DLGAP2: variants seen among roughly 807,000 people sequenced by gnomAD.
DLGAP2 encodes DLG associated protein 2.
DLGAP2 carries 26 observed loss-of-function variants against 100.3 expected under a neutral mutation model. The ratio of observed to expected loss-of-function variants is 0.26; its 90% CI spans 0.19 to 0.36. DLGAP2 has a LOEUF of 0.36. DLGAP2 is among the 10% of genes least tolerant of loss of function. DLGAP2 has a pLI of 1.00. For synonymous variants in DLGAP2, 886 were observed against 630.1 expected (o/e 1.41, Z -6.08); for missense variants, 1,858 against 1,453.2 (o/e 1.28, Z -4.53).
intron 2 of DLGAP2, among the ~76,000 whole-genome samples, chr8:1,007,985 C>G (rs1009010329): frequency 3.3e-5 from 5 of 152,174 alleles, no homozygotes; most frequent in Non-Finnish European, 7.4e-5. Context: ...GGGATGTGTT[C>G]TTTTCCTGTG....
At chr8:1,638,924 T>G (rs894533230) in intron 8 of DLGAP2, among the ~76,000 whole-genome samples, 1 of 152,332 alleles carries the variant, frequency 6.6e-6, no homozygotes, top group East Asian at 1.9e-4. Flanking sequence ...GAGGTGATGC[T>G]GTTGCAGCCC....
intron 2 of DLGAP2, among the ~76,000 whole-genome samples, chr8:931,458 C>T (rs1186783603): frequency 6.6e-6 from 1 of 152,218 alleles, no homozygotes; most frequent in African/African-American, 2.4e-5. Flanking sequence ...CTTAAATTCC[C>T]TGGCTACCCT....
chr8:1,416,764 G>C (rs1319964140), intron 3 of DLGAP2, among the ~76,000 whole-genome samples: 2 of 152,230 alleles, frequency 1.3e-5, no homozygotes, highest in Non-Finnish European at 1.5e-5. Flanking sequence ...GGCTGCTTAA[G>C]AGGAGAGCCT....
chr8:1,194,922 C>T (rs1022673550), intron 2 of DLGAP2, among the ~76,000 whole-genome samples: 7 of 152,252 alleles, frequency 4.6e-5, no homozygotes, highest in African/African-American at 1.7e-4. Context: ...CCTGGGCGTT[C>T]AGTTGTCAAC....
chr8:1,435,425 G>A (rs1797589251), intron 3 of DLGAP2, among the ~76,000 whole-genome samples: 1 of 152,108 alleles, frequency 6.6e-6, no homozygotes, highest in South Asian at 2.1e-4. Flanking sequence ...TCAGCTGGAA[G>A]ACTCCTACTG....
intron 2 of DLGAP2, among the ~76,000 whole-genome samples, chr8:1,219,782 T>G (rs544053900): frequency 6.6e-6 from 1 of 152,230 alleles, no homozygotes; most frequent in African/African-American, 2.4e-5. Flanking sequence ...CAGAATCAAT[T>G]TTAGAACTCA....
At chr8:1,620,966 A>G (rs558595292) in intron 6 of DLGAP2, among the ~76,000 whole-genome samples, 5 of 152,000 alleles carry the variant, frequency 3.3e-5, no homozygotes, top group Admixed American at 6.5e-5. Flanking sequence ...CAGACAAACA[A>G]TGCTCACTCC....
At position 1,540,769 on chromosome 8, in the gene DLGAP2, G is replaced by A. The variant is rs867447794; in HGVS notation, c.173-7857G>A. On this transcript the variant is annotated intron_variant, in intron 4 of 14. Transcript: ENST00000637795. Reference sequence around the variant, plus strand: ...TCTCAGAAGCTGCCTGTACCTTCTGGAAATATGAAATATGGCAACCATACA... The same window carrying A: ...TCTCAGAAGCTGCCTGTACCTTCTGAAAATATGAAATATGGCAACCATACA... Among the ~76,000 whole-genome samples the A allele has an allele frequency of 1.5e-4, 23 of 152,326 alleles. 1 individual carries two copies. Among genetic ancestry groups the A allele is most frequent in the South Asian group, 8.3e-4 (4 of 4,830 alleles).
intron 2 of DLGAP2, among the ~76,000 whole-genome samples, chr8:1,208,939 A>T (rs1462864665): frequency 6.6e-6 from 1 of 152,024 alleles, no homozygotes; most frequent in East Asian, 1.9e-4. Context: ...CTAACCAAGG[A>T]TGTGAAAAAC....
chr8:1,348,781 T>C (rs1278809362), intron 3 of DLGAP2, among the ~76,000 whole-genome samples: 2 of 152,176 alleles, frequency 1.3e-5, no homozygotes, highest in African/African-American at 2.4e-5. Context: ...AGCCAACCCA[T>C]TGTGTATGCG....
At chr8:1,337,513 G>A (rs1251548831) in intron 3 of DLGAP2, among the ~76,000 whole-genome samples, 1 of 145,764 alleles carries the variant, frequency 6.9e-6, no homozygotes, top group African/African-American at 2.5e-5. Flanking sequence ...GATGATGATG[G>A]TGATGCTGAT....
intron 2 of DLGAP2, among the ~76,000 whole-genome samples, chr8:1,022,497 G>A (rs1213317867): frequency 2.1e-5 from 3 of 144,842 alleles, no homozygotes; most frequent in East Asian, 2.1e-4. Context: ...GGATTGGACG[G>A]TCCCATGCCG....
At chr8:755,987 G>A (rs113047982) in intron 1 of DLGAP2, among the ~76,000 whole-genome samples, 21 of 152,318 alleles carry the variant, frequency 1.4e-4, no homozygotes, top group African/African-American at 4.8e-4. Context: ...CTGAGGCTTG[G>A]TGCCCTGAGC....
chr8:1,169,295 T>C (rs1797079292), intron 2 of DLGAP2, among the ~76,000 whole-genome samples: 1 of 152,238 alleles, frequency 6.6e-6, no homozygotes, highest in African/African-American at 2.4e-5. Flanking sequence ...CCTTGTAATA[T>C]ACTTTGAAGT....
chr8:1,124,238 A>G (rs574840216), intron 2 of DLGAP2, among the ~76,000 whole-genome samples: 1 of 152,346 alleles, frequency 6.6e-6, no homozygotes, highest in African/African-American at 2.4e-5. Context: ...CTGAGTCAGC[A>G]GGGAGAGGAC....
chr8:1,009,109 C>G (rs899095272), intron 2 of DLGAP2, among the ~76,000 whole-genome samples: 6 of 152,208 alleles, frequency 3.9e-5, no homozygotes, highest in Non-Finnish European at 1.5e-5. Context: ...CCTGGGGACC[C>G]TCTTCCATGT....
At chr8:1,316,098 C>T (rs551267487) in intron 3 of DLGAP2, among the ~76,000 whole-genome samples, 5 of 134,026 alleles carry the variant, frequency 3.7e-5, no homozygotes, top group Admixed American at 7.6e-5. Flanking sequence ...GGTCTACACT[C>T]GAGACACTCG....
At position 876,058 on chromosome 8, in the gene DLGAP2, C is replaced by T. The variant is rs559433316; in HGVS notation, c.19-31854C>T. ...ACATAGCTTTGCTTCCACTAACCCT[C>T]TTCGTGCTGTTATTGACAAATATGT... is the stretch of plus-strand genomic sequence containing the variant. On this transcript the variant is annotated intron_variant, in intron 1 of 14. Coordinates refer to ENST00000637795, the MANE Select transcript of DLGAP2 (RefSeq NM_001346810.2). 2.6e-5 allele frequency among the ~76,000 whole-genome samples: 4 copies of T among 152,288 alleles called. No homozygotes were observed. The East Asian group carries it at 7.7e-4, about 29-fold the overall frequency.
chr8:858,019 G>A (rs186193049), intron 1 of DLGAP2, among the ~76,000 whole-genome samples: 29 of 152,132 alleles, frequency 1.9e-4, no homozygotes, highest in African/African-American at 6.3e-4. Flanking sequence ...ACAGGCATAC[G>A]CCACCATGCC....
Sources: allele counts gnomAD v4.1 joint callset (sites outside exome capture counted in the v4.1 genomes callset), GRCh38; gene constraint gnomAD v4.1.1; transcripts MANE v1.5; gene names NCBI Gene and HGNC (gene_info 2026-07-23, HGNC 2026-07-21).